Variants in RBMS3 observed in about 807,000 individuals in gnomAD.
RBMS3 encodes the protein RNA binding motif single stranded interacting protein 3.
RBMS3 carries 27 observed loss-of-function variants against 66.8 expected under a neutral mutation model. The ratio of observed to expected loss-of-function variants is 0.40; its 90% confidence interval spans 0.30 to 0.56. The LOEUF (loss-of-function observed/expected upper bound fraction) is 0.56. RBMS3 is among the 20% of genes least tolerant of loss of function. The pLI is 0.40. For missense variants in RBMS3, 513 were observed against 549.5 expected (o/e 0.93, Z 0.66); for synonymous variants, 188 against 183.0 (o/e 1.03, Z -0.22).
chr3:29,958,156 G>T (rs1036851969), intron 12 of RBMS3, among the ~76,000 whole-genome samples: 2 of 152,110 alleles, frequency 1.3e-5, no homozygotes, highest in Non-Finnish European at 2.9e-5. Flanking sequence ...TAGCAGAAAA[G>T]TTTGCTGTCT....
At chr3:29,321,611 A>G (rs2035011451) in intron 1 of RBMS3, among the ~76,000 whole-genome samples, 1 of 152,176 alleles carries the variant, frequency 6.6e-6, no homozygotes, top group African/African-American at 2.4e-5. Flanking sequence ...CCTGTGAAAT[A>G]CTAGGGTCAT....
rs753584900 is a variant in RBMS3 at position 30,004,507 on chromosome 3, CTA to C, written c.*647_*648del. On this transcript the variant is annotated 3_prime_UTR_variant, in exon 15 of 15. Coordinates refer to ENST00000383767, the MANE Select transcript of RBMS3 (RefSeq NM_001003793.3). ...CTTTCACTGGCACAGAAGTTTAAGACTATGAGTTTTTAGGGTGAAGAAAAAAC... is the reference window on the plus strand; with the variant it reads ...CTTTCACTGGCACAGAAGTTTAAGACTGAGTTTTTAGGGTGAAGAAAAAAC... 5.9e-5 allele frequency: 9 copies of C among 152,116 alleles called. No homozygotes were observed. The highest frequency in any genetic ancestry group is 2.2e-4 in the African/African-American group (9 of 41,458). The allele number at this position is 152,116 out of a possible 1,614,324, so 9.4% of individuals were successfully genotyped here. A position where few individuals can be genotyped will look rare whatever the true frequency, so the allele number is the denominator to read the frequency against.
At chr3:29,971,557 G>A (rs978767286) in intron 12 of RBMS3, among the ~76,000 whole-genome samples, 3 of 151,746 alleles carry the variant, frequency 2.0e-5, no homozygotes, top group East Asian at 1.9e-4. Context: ...CTTTTTTAAC[G>A]GACTTTATTC....
At chr3:29,609,285 G>A (rs1421161824) in intron 4 of RBMS3, among the ~76,000 whole-genome samples, 1 of 151,930 alleles carries the variant, frequency 6.6e-6, no homozygotes, top group East Asian at 1.9e-4. Context: ...TCCATATGTA[G>A]AGGTGACAAC....
intron 6 of RBMS3, among the ~76,000 whole-genome samples, chr3:29,785,596 C>T (rs545031144): frequency 6.6e-6 from 1 of 152,134 alleles, no homozygotes; most frequent in Non-Finnish European, 1.5e-5. Context: ...GCAAAAATCA[C>T]ATGATCATCT....
At chr3:29,528,333 A>T (rs993815629) in intron 3 of RBMS3, among the ~76,000 whole-genome samples, 2 of 151,880 alleles carry the variant, frequency 1.3e-5, no homozygotes, top group African/African-American at 4.8e-5. Flanking sequence ...GGCTGGTCTC[A>T]AACTCCTGAC....
intron 6 of RBMS3, among the ~76,000 whole-genome samples, chr3:29,779,722 T>C (rs958583046): frequency 6.9e-6 from 1 of 145,962 alleles, no homozygotes; most frequent in African/African-American, 2.5e-5. Flanking sequence ...TATATATATA[T>C]ATAAACAACC....
At chr3:29,472,234 G>A (rs1291713551) in intron 2 of RBMS3, among the ~76,000 whole-genome samples, 1 of 145,556 alleles carries the variant, frequency 6.9e-6, no homozygotes, top group South Asian at 2.2e-4. Context: ...TCGCTCTGTC[G>A]ACCAGGCTGC....
intron 10 of RBMS3, among the ~76,000 whole-genome samples, chr3:29,918,112 A>G (rs999205358): frequency 1.3e-5 from 2 of 152,174 alleles, no homozygotes; most frequent in African/African-American, 2.4e-5. Context: ...GTATGTTTCA[A>G]TTCAGTTAAC....
At chr3:29,866,167 T>C (rs1196912800) in intron 6 of RBMS3, among the ~76,000 whole-genome samples, 2 of 151,774 alleles carry the variant, frequency 1.3e-5, no homozygotes, top group Non-Finnish European at 2.9e-5. Flanking sequence ...AGCTTCTGAC[T>C]GTTAAGGGTG....
chr3:29,557,049 T>C (rs2046391566), intron 3 of RBMS3, among the ~76,000 whole-genome samples: 2 of 152,180 alleles, frequency 1.3e-5, no homozygotes, highest in African/African-American at 4.8e-5. Context: ...CTTCTTTCTG[T>C]CACTCAAAGT....
At chr3:29,325,727 T>G (rs192813360) in intron 1 of RBMS3, among the ~76,000 whole-genome samples, 1 of 152,222 alleles carries the variant, frequency 6.6e-6, no homozygotes, top group Non-Finnish European at 1.5e-5. Context: ...CAGGTGTTCT[T>G]CTAGAATATT....
intron 11 of RBMS3, among the ~76,000 whole-genome samples, chr3:29,939,477 G>A (rs942189636): frequency 4.6e-5 from 7 of 151,922 alleles, no homozygotes; most frequent in Admixed American, 2.6e-4. Flanking sequence ...TACAGCTGTT[G>A]TGATGGCTAT....
chr3:29,428,178 A>G (rs1575787178), intron 1 of RBMS3, among the ~76,000 whole-genome samples: 1 of 152,174 alleles, frequency 6.6e-6, no homozygotes, highest in Middle Eastern at 3.4e-3. Flanking sequence ...GATGGTCTGG[A>G]TCTACTTAAA....
At chr3:29,638,373 G>T (rs936633544) in intron 4 of RBMS3, among the ~76,000 whole-genome samples, 4 of 151,696 alleles carry the variant, frequency 2.6e-5, no homozygotes, top group African/African-American at 9.7e-5. Context: ...TACAGTATAT[G>T]ATGGCTATAT....
intron 6 of RBMS3, among the ~76,000 whole-genome samples, chr3:29,845,964 C>CTGTA (rs1259412663): frequency 6.6e-6 from 1 of 152,022 alleles, no homozygotes; most frequent in Non-Finnish European, 1.5e-5. Flanking sequence ...AGCAAGAACA[C>CTGTA]TGTAACTAGT....
intron 1 of RBMS3, among the ~76,000 whole-genome samples, chr3:29,409,614 A>G (rs1217286159): frequency 6.6e-6 from 1 of 152,234 alleles, no homozygotes; most frequent in Non-Finnish European, 1.5e-5. Context: ...ATCCCAGGAT[A>G]ATAAGCTCCA....
chr3:29,946,487 T>A (rs1260255603), intron 12 of RBMS3, among the ~76,000 whole-genome samples: 12 of 151,658 alleles, frequency 7.9e-5, no homozygotes, highest in Admixed American at 7.9e-4. Flanking sequence ...TACACAAAAG[T>A]ACTGGGGATA....
At chr3:29,470,061 A>C (rs1443352742) in intron 2 of RBMS3, among the ~76,000 whole-genome samples, 1 of 148,642 alleles carries the variant, frequency 6.7e-6, no homozygotes, top group Non-Finnish European at 1.5e-5. Context: ...GATTATATTT[A>C]ATTTAAACTT....
Sources: allele counts gnomAD v4.1 joint callset (sites outside exome capture counted in the v4.1 genomes callset), GRCh38; gene constraint gnomAD v4.1.1; transcripts MANE v1.5; gene names NCBI Gene and HGNC (gene_info 2026-07-23, HGNC 2026-07-21).